The following NPIPB5 variants were observed in gnomAD, a reference collection of about 807,000 sequenced individuals.
The protein encoded by NPIPB5 is nuclear pore complex-interacting protein family member B5.
For synonymous variants in NPIPB5, 1 was observed against 168.2 expected, an observed-to-expected ratio of 0.01 and a Z score of 7.69; for missense variants, 10 against 414.7, an observed-to-expected ratio of 0.02 and a Z score of 8.48.
chr16:22,518,168 C>A, intron 1 of NPIPB5, among the ~76,000 whole-genome samples: 1 of 45,234 alleles, frequency 2.2e-5, no homozygotes, highest in Non-Finnish European at 4.7e-5. Context: ...CCACCTCGGC[C>A]TCCCAAAGTG....
At chr16:22,517,819 G>A (rs1470598947) in intron 1 of NPIPB5, among the ~76,000 whole-genome samples, 9 of 106,206 alleles carry the variant, frequency 8.5e-5, no homozygotes, top group Admixed American at 1.0e-4. Flanking sequence ...GATTACAGGC[G>A]TGAGCCACCA....
intron 1 of NPIPB5, among the ~76,000 whole-genome samples, chr16:22,514,833 G>A (rs1248087572): frequency 9.0e-5 from 1 of 11,108 alleles, no homozygotes; most frequent in Non-Finnish European, 1.3e-4. Flanking sequence ...GATTTATATA[G>A]ATACACACAC....
At chr16:22,514,899 C>CAT (rs1391075470) in intron 1 of NPIPB5, among the ~76,000 whole-genome samples, 10 of 36,684 alleles carry the variant, frequency 2.7e-4, no homozygotes, top group African/African-American at 1.5e-3. Flanking sequence ...CACACACACA[C>CAT]ATATTTTTTG....
At chr16:22,528,805 G>A (rs1273053542) in intron 4 of NPIPB5, among the ~76,000 whole-genome samples, 2 of 143,654 alleles carry the variant, frequency 1.4e-5, no homozygotes, top group African/African-American at 5.1e-5. Flanking sequence ...CCAGGTTCAA[G>A]CGATTCTTAT....
At position 22,514,835 on chromosome 16, in the gene NPIPB5, T is replaced by TACACACACACAC. The variant is rs776660903; in HGVS notation, c.120+968_120+979dup. ...CTTTTATTTTTGAGATTTATATAGATACACACACACACACACACACACACA... is the reference window on the plus strand; with the variant it reads ...CTTTTATTTTTGAGATTTATATAGATACACACACACACACACACACACACACACACACACACA... On this transcript the variant is annotated intron_variant, in intron 1 of 6. Coordinates refer to ENST00000424340, the Ensembl canonical transcript of NPIPB5. Among the ~76,000 whole-genome samples the TACACACACACAC allele has an allele frequency of 8.7e-4, 19 of 21,940 alleles. 3 individuals are homozygous for TACACACACACAC. The highest frequency in any genetic ancestry group is 5.2e-3 in the African/African-American group (8 of 1,552). 14.4% of individuals were successfully genotyped at this position (21,940 alleles called of 152,430 possible).
exon 7 of NPIPB5, chr16:22,534,619 G>A (rs764879788): frequency 6.3e-7 from 1 of 1,591,742 alleles, no homozygotes; most frequent in Non-Finnish European, 8.5e-7. Context: ...ACCCTCAGCG[G>A]ATGATAATCT....
chr16:22,528,497 C>T (rs1317889631), intron 4 of NPIPB5, among the ~76,000 whole-genome samples: 57 of 95,664 alleles, frequency 6.0e-4, no homozygotes, highest in Non-Finnish European at 9.3e-4. Flanking sequence ...GGATTAGAGG[C>T]GTGAGCCACC....
At chr16:22,518,041 A>G (rs1201718362) in intron 1 of NPIPB5, among the ~76,000 whole-genome samples, 5 of 57,066 alleles carry the variant, frequency 8.8e-5, no homozygotes, top group Non-Finnish European at 1.7e-4. Flanking sequence ...TCAGCCTCCC[A>G]AGTAGGTGGG....
At chr16:22,518,165 G>A (rs1309055525) in intron 1 of NPIPB5, among the ~76,000 whole-genome samples, 7 of 40,104 alleles carry the variant, frequency 1.7e-4, no homozygotes, top group African/African-American at 4.5e-4. Flanking sequence ...CGCCCACCTC[G>A]GCCTCCCAAA....
At chr16:22,517,791 A>G (rs1321348356) in intron 1 of NPIPB5, among the ~76,000 whole-genome samples, 1 of 75,182 alleles carries the variant, frequency 1.3e-5, no homozygotes, top group African/African-American at 4.9e-5. Flanking sequence ...CGCCTGCCTC[A>G]GCCTCCCAAA....
At chr16:22,528,304 G>A (rs1418398592) in intron 4 of NPIPB5, among the ~76,000 whole-genome samples, 3 of 54,412 alleles carry the variant, frequency 5.5e-5, no homozygotes, top group African/African-American at 2.2e-4. Flanking sequence ...TCAGCTCACT[G>A]CCTTTTGGGT....
chr16:22,530,147 G>A (rs2049874762), intron 4 of NPIPB5, among the ~76,000 whole-genome samples: 1 of 109,490 alleles, frequency 9.1e-6, no homozygotes, highest in Non-Finnish European at 1.7e-5. Flanking sequence ...GTGGTATGAG[G>A]GCAACACAGC....
chr16:22,536,492 A>G, downstream of NPIPB5: 1 of 144,182 alleles, frequency 6.9e-6, no homozygotes, highest in Non-Finnish European at 1.4e-5. Flanking sequence ...ACTAACAAAG[A>G]ATAAATAAAT....
At chr16:22,514,897 C>T (rs1341782194) in intron 1 of NPIPB5, among the ~76,000 whole-genome samples, 4 of 42,132 alleles carry the variant, frequency 9.5e-5, no homozygotes, top group African/African-American at 7.7e-4. Context: ...CACACACACA[C>T]ACATATTTTT....
At chr16:22,514,881 C>CAT (rs1288182976) in intron 1 of NPIPB5, among the ~76,000 whole-genome samples, 2 of 43,734 alleles carry the variant, frequency 4.6e-5, no homozygotes, top group African/African-American at 5.1e-4. Flanking sequence ...CACACACACA[C>CAT]ACACACACAC....
At chr16:22,510,759 A>G (rs531229630), upstream of NPIPB5, among the ~76,000 whole-genome samples, 3 of 93,690 alleles carry the variant, frequency 3.2e-5, no homozygotes, top group East Asian at 5.4e-4. Context: ...CCCAGTTCAC[A>G]AGGAAATTTA....
intron 4 of NPIPB5, among the ~76,000 whole-genome samples, chr16:22,528,687 G>T (rs1249207958): frequency 4.8e-5 from 3 of 62,054 alleles, no homozygotes; most frequent in Admixed American, 2.0e-4. Context: ...CACCACATTT[G>T]ACCAATTTTT....
intron 1 of NPIPB5, among the ~76,000 whole-genome samples, chr16:22,518,076 C>T (rs1160385277): frequency 2.2e-5 from 1 of 45,240 alleles, no homozygotes; most frequent in Non-Finnish European, 4.2e-5. Context: ...CCACCACACC[C>T]GGCTAATTTT....
At chr16:22,518,008 C>T (rs1239620552) in intron 1 of NPIPB5, among the ~76,000 whole-genome samples, 7 of 113,140 alleles carry the variant, frequency 6.2e-5, no homozygotes, top group Admixed American at 9.4e-5. Flanking sequence ...CTCTGCCTCC[C>T]GGGTTCAAAC....
Sources: gnomAD v4.1 joint callset for allele counts (sites outside exome capture counted in the v4.1 genomes callset) on GRCh38, gnomAD v4.1.1 for gene constraint, MANE v1.5 for transcripts, NCBI Gene and HGNC (gene_info 2026-07-23, HGNC 2026-07-21) for gene names.